The following SHROOM4 variants were observed in gnomAD, a reference collection of about 807,000 sequenced individuals.
SHROOM4 encodes protein Shroom4.
In SHROOM4, 17 loss-of-function variants were observed where a neutral mutation model predicts 80.3. The observed-to-expected ratio is 0.21, with a 90% CI of 0.14 to 0.32. The LOEUF (loss-of-function observed/expected upper bound fraction) is 0.32. SHROOM4 is among the 10% of genes least tolerant of loss of function. SHROOM4 has a pLI of 1.00. For missense variants in SHROOM4, 993 were observed against 1,140.3 expected (o/e 0.87, Z 1.86); for synonymous variants, 400 against 437.5 (o/e 0.91, Z 1.07).
intron 1 of SHROOM4, among the ~76,000 whole-genome samples, chrX:50,729,655 T>A (rs1557266147): frequency 3.6e-5 from 4 of 110,940 alleles, no homozygotes; most frequent in Non-Finnish European, 7.6e-5. Context: ...CAAACTCCAG[T>A]AGAAGAAACT....
chrX:50,666,588 TGAGA>T (rs1279507613), intron 2 of SHROOM4, among the ~76,000 whole-genome samples: 1 of 111,291 alleles, frequency 9.0e-6, no homozygotes, highest in Non-Finnish European at 1.9e-5. Context: ...GTACACATAC[TGAGA>T]GAGAGAGGAG....
At chrX:50,757,385 T>C (rs1557268465) in intron 1 of SHROOM4, among the ~76,000 whole-genome samples, 1 of 112,340 alleles carries the variant, frequency 8.9e-6, no homozygotes, top group Non-Finnish European at 1.9e-5. Context: ...GACTTGACTA[T>C]TGTGGCCTTG....
At chrX:50,653,242 C>T (rs781840280) in intron 2 of SHROOM4, among the ~76,000 whole-genome samples, 91 of 111,323 alleles carry the variant, frequency 8.2e-4, no homozygotes, top group African/African-American at 2.9e-3. Flanking sequence ...CTCTTATTTC[C>T]TTGAGCAGTG....
At chrX:50,681,779 T>A (rs1183859408) in intron 2 of SHROOM4, among the ~76,000 whole-genome samples, 2 of 112,481 alleles carry the variant, frequency 1.8e-5, no homozygotes, top group Admixed American at 9.4e-5. Flanking sequence ...TTCACTGATA[T>A]ACCCCCAGTT....
chrX:50,727,128 CT>C (rs782799032), intron 1 of SHROOM4, among the ~76,000 whole-genome samples: 41 of 113,074 alleles, frequency 3.6e-4, no homozygotes, highest in African/African-American at 1.3e-3. Context: ...AATGAATACC[CT>C]TCTGGGTTTC....
intron 1 of SHROOM4, 116 bp from the exon 2 acceptor site, chrX:50,696,053 G>C: frequency 1.2e-6 from 1 of 815,915 alleles, no homozygotes; most frequent in Non-Finnish European, 1.8e-6. Context: ...GCTCCAGGCA[G>C]CTCCTGGGAG....
chrX:50,651,194 A>G (rs1219100813), intron 2 of SHROOM4, among the ~76,000 whole-genome samples: 1 of 112,236 alleles, frequency 8.9e-6, no homozygotes, highest in Non-Finnish European at 1.9e-5. Flanking sequence ...AGAGGGAACA[A>G]AAGTACAAGA....
chrX:50,738,003 G>A (rs1557266852), intron 1 of SHROOM4, among the ~76,000 whole-genome samples: 1 of 111,572 alleles, frequency 9.0e-6, no homozygotes, highest in East Asian at 2.8e-4. Flanking sequence ...CATCATCCCT[G>A]GGATGCAAGG....
intron 5 of SHROOM4, among the ~76,000 whole-genome samples, chrX:50,610,649 G>A (rs931516384): frequency 9.0e-6 from 1 of 111,171 alleles, no homozygotes; most frequent in Admixed American, 9.6e-5. Flanking sequence ...CTAGTGCCTG[G>A]CACACAGTAA....
At chrX:50,754,235 T>G (rs1290958902) in intron 1 of SHROOM4, among the ~76,000 whole-genome samples, 1 of 111,830 alleles carries the variant, frequency 8.9e-6, no homozygotes, top group Non-Finnish European at 1.9e-5. Context: ...TGCTTGGTTT[T>G]AAGCAGTAGC....
At chrX:50,643,316 T>G (rs889761756) in intron 2 of SHROOM4, 3 of 111,541 alleles carry the variant, frequency 2.7e-5, no homozygotes, top group Non-Finnish European at 5.7e-5. Context: ...ACCATGGAAG[T>G]TGCCCAGGGT....
At chrX:50,784,193 G>A (rs1451005350) in intron 1 of SHROOM4, among the ~76,000 whole-genome samples, 2 of 112,098 alleles carry the variant, frequency 1.8e-5, no homozygotes, top group African/African-American at 6.5e-5. Context: ...GAGGTGTAGT[G>A]GTGTGATTCT....
At chrX:50,750,626 T>C (rs1433837135) in intron 1 of SHROOM4, among the ~76,000 whole-genome samples, 1 of 112,169 alleles carries the variant, frequency 8.9e-6, no homozygotes, top group Non-Finnish European at 1.9e-5. Context: ...GGTAGCCTCC[T>C]TCTTAAAATG....
At chrX:50,736,726 G>C in intron 1 of SHROOM4, among the ~76,000 whole-genome samples, 1 of 112,255 alleles carries the variant, frequency 8.9e-6, no homozygotes. Flanking sequence ...TGTCTCTATA[G>C]TAGAATGATT....
intron 2 of SHROOM4, among the ~76,000 whole-genome samples, chrX:50,682,683 A>G (rs1932968974): frequency 8.9e-6 from 1 of 112,008 alleles, no homozygotes; most frequent in Non-Finnish European, 1.9e-5. Context: ...GTTGAATAAG[A>G]GTTAGCTAAA....
Position 50,596,663 on chromosome X carries a change from G to T in SHROOM4, c.*32C>A, listed in dbSNP as rs1006796049. 2 of 1,203,531 alleles carry T rather than the reference G, an allele frequency of 1.7e-6. No individual in the cohort carries two copies. The highest frequency in any genetic ancestry group is 3.5e-5 in the African/African-American group (2 of 57,291). On this transcript the variant is annotated 3_prime_UTR_variant, in exon 9 of 9. Transcript: ENST00000376020. ...ATTGAAAGCACTTCCCACATGGCTGGGCAGGGATGCTGTGGCAGAGTGCTG... is the reference window on the plus strand; with the variant it reads ...ATTGAAAGCACTTCCCACATGGCTGTGCAGGGATGCTGTGGCAGAGTGCTG...
chrX:50,609,215 T>C (rs951011269), intron 5 of SHROOM4, among the ~76,000 whole-genome samples: 6 of 110,544 alleles, frequency 5.4e-5, no homozygotes, highest in Admixed American at 1.9e-4. Context: ...TGAGCCATCA[T>C]TGCACCACTG....
At chrX:50,670,679 T>C (rs1241107734) in intron 2 of SHROOM4, among the ~76,000 whole-genome samples, 1 of 111,867 alleles carries the variant, frequency 8.9e-6, no homozygotes, top group Non-Finnish European at 1.9e-5. Context: ...CTTAAGGAAT[T>C]GCCACACTGT....
rs782433222 is a variant in SHROOM4, at chrX:50,597,961, C to A, written c.4212+305G>T. 2.0e-4 allele frequency among the ~76,000 whole-genome samples: 22 copies of A among 111,432 alleles called. No homozygotes were observed. In the South Asian group the frequency reaches 6.6e-3, roughly 33 times the overall value. ...TCAAGCAAACCTTCCACCTCAGCCT[C>A]CGGAGTAGCTGGGATTATAGGCATG... is the stretch of plus-strand genomic sequence containing the variant. On this transcript the variant is annotated intron_variant, in intron 8 of 8. Transcript: ENST00000376020.
Sources: allele counts gnomAD v4.1 joint callset (sites outside exome capture counted in the v4.1 genomes callset), GRCh38; gene constraint gnomAD v4.1.1; transcripts MANE v1.5; gene names NCBI Gene and HGNC (gene_info 2026-07-23, HGNC 2026-07-21).